Variants in PRKG1 observed in about 807,000 individuals in gnomAD.
PRKG1 encodes the protein protein kinase cGMP-dependent 1.
PRKG1 carries 35 observed loss-of-function variants against 88.1 expected under a neutral mutation model. The observed-to-expected ratio is 0.40, with a 90% CI of 0.30 to 0.53. PRKG1 has a LOEUF of 0.53. Ranked by LOEUF, PRKG1 falls within the 20% of genes least tolerant of loss-of-function variation. PRKG1 has a pLI of 0.59. For missense variants in PRKG1, 540 were observed against 839.8 expected (o/e 0.64, Z 4.41); for synonymous variants, 303 against 292.5 (o/e 1.04, Z -0.37).
chr10:51,035,734 A>G (rs1268647182), intron 1 of PRKG1, among the ~76,000 whole-genome samples: 1 of 152,142 alleles, frequency 6.6e-6, no homozygotes, highest in Non-Finnish European at 1.5e-5. Flanking sequence ...TATTACATGC[A>G]CTTGTGGATC....
At chr10:52,105,024 AAT>A (rs1220007534) in intron 7 of PRKG1, among the ~76,000 whole-genome samples, 2 of 152,236 alleles carry the variant, frequency 1.3e-5, no homozygotes, top group African/African-American at 4.8e-5. Flanking sequence ...TTAGACAATA[AAT>A]ATAATGGACA....
At chr10:51,087,701 G>A (rs927475190) in intron 1 of PRKG1, among the ~76,000 whole-genome samples, 5 of 152,206 alleles carry the variant, frequency 3.3e-5, no homozygotes, top group African/African-American at 4.8e-5. Flanking sequence ...AGAGACTAGC[G>A]TGCCTTAGTA....
intron 3 of PRKG1, 52 bp downstream of exon 3, chr10:51,467,888 C>T: frequency 5.7e-6 from 8 of 1,409,034 alleles, no homozygotes; most frequent in Non-Finnish European, 7.0e-6. Flanking sequence ...TTCCCTAGGC[C>T]TTTGAGATGT....
intron 2 of PRKG1, among the ~76,000 whole-genome samples, chr10:51,212,006 A>G (rs1341753776): frequency 6.6e-6 from 1 of 152,220 alleles, no homozygotes; most frequent in East Asian, 1.9e-4. Flanking sequence ...CTGCATTGCC[A>G]AGTCAATCCT....
intron 3 of PRKG1, among the ~76,000 whole-genome samples, chr10:51,663,268 C>T (rs111795211): frequency 2.3e-4 from 35 of 152,134 alleles, no homozygotes; most frequent in African/African-American, 8.2e-4. Context: ...GCTTGAGCAA[C>T]GATGTGGATG....
At chr10:51,939,248 T>C (rs2133023805) in intron 5 of PRKG1, among the ~76,000 whole-genome samples, 1 of 152,200 alleles carries the variant, frequency 6.6e-6, no homozygotes, top group Non-Finnish European at 1.5e-5. Flanking sequence ...GTAATATTGC[T>C]ACAATAGCTA....
At chr10:51,711,754 A>G (rs955591805) in intron 3 of PRKG1, among the ~76,000 whole-genome samples, 1 of 152,182 alleles carries the variant, frequency 6.6e-6, no homozygotes, top group Non-Finnish European at 1.5e-5. Context: ...GAGAAACCAG[A>G]TAAGATGGAT....
rs558119665 is a variant in PRKG1, at chr10:51,467,900, G to A, written c.592+64G>A. 6 of 1,274,698 alleles carry A rather than the reference G, an allele frequency of 4.7e-6. No homozygotes were observed. The Admixed American group carries it at 1.1e-4, about 23-fold the overall frequency. 79.0% of individuals were successfully genotyped at this position (1,274,698 alleles called of 1,614,324 possible). The stretch of plus-strand genomic sequence containing the variant: ...CTTTTCCCTAGGCCTTTGAGATGTT[G>A]TTTAAAATGCCCATTCATTTAATCT... On this transcript the variant is annotated intron_variant, in intron 3 of 17. Coordinates refer to ENST00000373980, the MANE Select transcript of PRKG1 (RefSeq NM_006258.4).
chr10:51,924,389 A>G (rs550599586), intron 5 of PRKG1, among the ~76,000 whole-genome samples: 2 of 152,252 alleles, frequency 1.3e-5, no homozygotes, highest in South Asian at 2.1e-4. Context: ...TGGTTTTTGT[A>G]GAGAAGACTG....
chr10:51,185,734 T>A (rs2132032599), intron 2 of PRKG1, among the ~76,000 whole-genome samples: 1 of 151,936 alleles, frequency 6.6e-6, no homozygotes, highest in East Asian at 1.9e-4. Context: ...TGCATAGTAT[T>A]CTATAGTGTA....
intron 9 of PRKG1, among the ~76,000 whole-genome samples, chr10:52,221,636 G>A (rs1276445472): frequency 1.3e-5 from 2 of 152,092 alleles, no homozygotes; most frequent in Non-Finnish European, 2.9e-5. Flanking sequence ...AATATTCACT[G>A]TCAGTGAAAA....
At chr10:51,312,154 G>A (rs1294619140) in intron 2 of PRKG1, among the ~76,000 whole-genome samples, 3 of 152,158 alleles carry the variant, frequency 2.0e-5, no homozygotes, top group Non-Finnish European at 4.4e-5. Flanking sequence ...TTACAGGTGT[G>A]AACCACTGCT....
At chr10:51,372,602 C>T (rs1250886267) in intron 2 of PRKG1, among the ~76,000 whole-genome samples, 1 of 152,150 alleles carries the variant, frequency 6.6e-6, no homozygotes, top group Non-Finnish European at 1.5e-5. Flanking sequence ...AAGGCTTCAA[C>T]ATTTATCACT....
intron 9 of PRKG1, chr10:52,242,007 G>A (rs1840874783): frequency 6.6e-6 from 1 of 152,172 alleles, no homozygotes; most frequent in African/African-American, 2.4e-5. Context: ...GAAGGCTATG[G>A]CAAAGATGTC....
At chr10:51,871,569 C>T (rs1291043476) in intron 4 of PRKG1, among the ~76,000 whole-genome samples, 1 of 152,214 alleles carries the variant, frequency 6.6e-6, no homozygotes, top group Non-Finnish European at 1.5e-5. Flanking sequence ...TGCTGTGACA[C>T]ATTTGGTGGG....
At chr10:51,629,944 G>A (rs558084940) in intron 3 of PRKG1, among the ~76,000 whole-genome samples, 6 of 152,070 alleles carry the variant, frequency 3.9e-5, no homozygotes, top group South Asian at 2.1e-4. Flanking sequence ...TTCACTCATC[G>A]CCCCCATAAT....
chr10:51,897,108 G>A (rs1364143777), intron 4 of PRKG1, among the ~76,000 whole-genome samples: 1 of 152,160 alleles, frequency 6.6e-6, no homozygotes, highest in Non-Finnish European at 1.5e-5. Flanking sequence ...CAGGATAAAT[G>A]CCAAATCATC....
intron 1 of PRKG1, among the ~76,000 whole-genome samples, chr10:51,052,919 A>G (rs188616802): frequency 2.0e-5 from 3 of 152,318 alleles, no homozygotes; most frequent in Admixed American, 2.0e-4. Flanking sequence ...ATGATACTCA[A>G]ATATAAAATG....
In PRKG1 at chr10:52,061,814, C is replaced by T. The variant is rs562297820; in HGVS notation, c.841-723C>T. Among the ~76,000 whole-genome samples, 13 of 152,084 alleles carry T rather than the reference C, an allele frequency of 8.5e-5. 1 individual carries two copies. In the South Asian group the frequency reaches 2.7e-3, roughly 32 times the overall value. On this transcript the variant is annotated intron_variant, in intron 6 of 17. Coordinates refer to ENST00000373980, the MANE Select transcript of PRKG1 (RefSeq NM_006258.4). ...GCATGTGGATTTTGAGGGATATAGT[C>T]AGTTACAGCCATGCAAGAAATCTTT...
Sources: allele counts gnomAD v4.1 joint callset (sites outside exome capture counted in the v4.1 genomes callset), GRCh38; gene constraint gnomAD v4.1.1; transcripts MANE v1.5; gene names NCBI Gene and HGNC (gene_info 2026-07-23, HGNC 2026-07-21).